PTPRG: variants seen among roughly 807,000 people sequenced by gnomAD.
The protein encoded by PTPRG is protein tyrosine phosphatase receptor type G, also known as receptor-type tyrosine-protein phosphatase gamma.
PTPRG carries 102 observed loss-of-function variants against 165.3 expected under a neutral mutation model. The ratio of observed to expected loss-of-function variants is 0.62; its 90% CI spans 0.53 to 0.73. The LOEUF (loss-of-function observed/expected upper bound fraction) is 0.73. Among genes scored for constraint, PTPRG ranks in the 30% least tolerant of loss-of-function variants. The pLI, the probability that PTPRG is intolerant of heterozygous loss-of-function variation, is 0.00. For synonymous variants in PTPRG, 675 were observed against 669.5 expected (o/e 1.01, Z -0.13); for missense variants, 1,866 against 1,861.4 (o/e 1.00, Z -0.05).
intron 1 of PTPRG, among the ~76,000 whole-genome samples, chr3:61,567,331 G>C (rs550896394): frequency 3.3e-5 from 5 of 152,234 alleles, no homozygotes; most frequent in African/African-American, 9.6e-5. Flanking sequence ...CTTCTTGTGG[G>C]ATTTGGCAAT....
chr3:62,256,986 T>G (rs1352508593), intron 16 of PTPRG, among the ~76,000 whole-genome samples: 1 of 152,108 alleles, frequency 6.6e-6, no homozygotes, highest in African/African-American at 2.4e-5. Flanking sequence ...GCTTAAATAG[T>G]ATTAGCTGAT....
intron 2 of PTPRG, among the ~76,000 whole-genome samples, chr3:61,803,674 G>T (rs1195747004): frequency 6.6e-6 from 1 of 152,064 alleles, no homozygotes; most frequent in Non-Finnish European, 1.5e-5. Flanking sequence ...AAACAATGTT[G>T]AAATGTGAAT....
At chr3:62,033,580 G>A (rs1017180347) in intron 4 of PTPRG, among the ~76,000 whole-genome samples, 16 of 141,980 alleles carry the variant, frequency 1.1e-4, no homozygotes, top group Non-Finnish European at 2.4e-4. Flanking sequence ...TTCCACGCTG[G>A]TCTTGAATTC....
chr3:61,674,059 A>G (rs572873529), intron 1 of PTPRG, among the ~76,000 whole-genome samples: 1 of 152,184 alleles, frequency 6.6e-6, no homozygotes, highest in East Asian at 1.9e-4. Context: ...GAGGGATAGC[A>G]TTAGGAGAAA....
intron 4 of PTPRG, among the ~76,000 whole-genome samples, chr3:62,005,690 CTTTTTTTTTTT>C (rs35487954): frequency 5.0e-5 from 3 of 60,336 alleles, no homozygotes; most frequent in Admixed American, 2.8e-4. Flanking sequence ...CATTAATATC[CTTTTTTTTTTT>C]TTTTTTTTTT....
intron 2 of PTPRG, among the ~76,000 whole-genome samples, chr3:61,818,928 A>ATTTAAAGGGCCACTAATAGC (rs2035874496): frequency 6.6e-6 from 1 of 151,980 alleles, no homozygotes; most frequent in Admixed American, 6.6e-5. Context: ...TTAAAGCTAT[A>ATTTAAAGGGCCACTAATAGC]TTTAAAGGGC....
chr3:61,877,806 C>G (rs1409977185), intron 2 of PTPRG, among the ~76,000 whole-genome samples: 1 of 152,122 alleles, frequency 6.6e-6, no homozygotes, highest in African/African-American at 2.4e-5. Context: ...TCTGAACAAA[C>G]TGTGTGTGTT....
rs189996534 is a variant in PTPRG, at chr3:61,770,871, A to G, written c.190+21889A>G. 16 of 152,274 alleles carry G rather than the reference A, an allele frequency of 1.1e-4. No homozygotes were observed. In the East Asian group the frequency reaches 2.3e-3, roughly 22 times the overall value. 9.4% of individuals were successfully genotyped at this position (152,274 alleles called of 1,614,324 possible). A position where few individuals can be genotyped will look rare whatever the true frequency, so the allele number is the denominator to read the frequency against. The stretch of plus-strand genomic sequence containing the variant: ...GAATGCTTTTTCCTTGACACGGACA[A>G]GGGTGCTCTTTCTTTTTCTGTTCTA... On this transcript the variant is annotated intron_variant, in intron 2 of 29. Transcript: ENST00000474889.
At chr3:61,912,434 A>G (rs1258483601) in intron 2 of PTPRG, among the ~76,000 whole-genome samples, 2 of 152,198 alleles carry the variant, frequency 1.3e-5, no homozygotes, top group Non-Finnish European at 2.9e-5. Flanking sequence ...AGCATCATTT[A>G]GAATTAGGCT....
intron 1 of PTPRG, among the ~76,000 whole-genome samples, chr3:61,737,807 A>G (rs973555059): frequency 6.6e-6 from 1 of 151,216 alleles, no homozygotes; most frequent in Non-Finnish European, 1.5e-5. Flanking sequence ...CTTGGTGGAT[A>G]TTTTTGTTAT....
intron 5 of PTPRG, among the ~76,000 whole-genome samples, chr3:62,106,107 G>T (rs560744373): frequency 6.6e-6 from 1 of 152,144 alleles, no homozygotes; most frequent in Non-Finnish European, 1.5e-5. Flanking sequence ...ATCTATATAT[G>T]TGTGTCTCCC....
At chr3:61,826,410 G>C (rs374473720) in intron 2 of PTPRG, among the ~76,000 whole-genome samples, 2 of 152,136 alleles carry the variant, frequency 1.3e-5, no homozygotes, top group African/African-American at 4.8e-5. Flanking sequence ...GTTCACTGGA[G>C]AATCATTGGG....
chr3:61,656,113 G>T (rs1446843965), intron 1 of PTPRG, among the ~76,000 whole-genome samples: 1 of 151,320 alleles, frequency 6.6e-6, no homozygotes, highest in Non-Finnish European at 1.5e-5. Context: ...AGCTCCTGTA[G>T]TCCCACTTCT....
At chr3:62,114,238 G>T (rs1702777834) in intron 5 of PTPRG, among the ~76,000 whole-genome samples, 1 of 152,118 alleles carries the variant, frequency 6.6e-6, no homozygotes, top group African/African-American at 2.4e-5. Context: ...GGCGGAGGTT[G>T]TAGTGAGCCA....
intron 2 of PTPRG, among the ~76,000 whole-genome samples, chr3:61,831,081 T>C (rs1252483188): frequency 6.6e-6 from 1 of 152,264 alleles, no homozygotes; most frequent in Non-Finnish European, 1.5e-5. Context: ...GGGTCAGTGA[T>C]GGACATTTAG....
chr3:62,169,009 A>T (rs940382674), intron 8 of PTPRG, among the ~76,000 whole-genome samples: 1 of 152,024 alleles, frequency 6.6e-6, no homozygotes, highest in African/African-American at 2.4e-5. Context: ...TGACATTCAG[A>T]TGCTCCTTCT....
intron 2 of PTPRG, among the ~76,000 whole-genome samples, chr3:61,888,326 T>TTTTTTG (rs2038109466): frequency 7.0e-6 from 1 of 143,876 alleles, no homozygotes; most frequent in African/African-American, 3.0e-5. Context: ...TGGGTTGTTT[T>TTTTTTG]TTTTGTTTGT....
intron 2 of PTPRG, among the ~76,000 whole-genome samples, chr3:61,923,385 C>T (rs547741220): frequency 5.1e-4 from 78 of 152,248 alleles, no homozygotes; most frequent in African/African-American, 1.9e-3. Flanking sequence ...TTCCCAAAAG[C>T]AGACACTCTT....
At chr3:61,762,975 C>G (rs1352951215) in intron 2 of PTPRG, among the ~76,000 whole-genome samples, 1 of 152,100 alleles carries the variant, frequency 6.6e-6, no homozygotes, top group Non-Finnish European at 1.5e-5. Flanking sequence ...GTACAAAGTT[C>G]AGAGGAGAAA....
Sources: allele counts gnomAD v4.1 joint callset (sites outside exome capture counted in the v4.1 genomes callset), GRCh38; gene constraint gnomAD v4.1.1; transcripts MANE v1.5; gene names NCBI Gene and HGNC (gene_info 2026-07-23, HGNC 2026-07-21).